Variants in DNAJC21 observed in about 807,000 individuals in gnomAD.
DNAJC21 encodes dnaJ homolog subfamily C member 21.
DNAJC21 carries 63 observed loss-of-function variants against 72.4 expected under a neutral mutation model. That is an observed-to-expected ratio of 0.87 (90% CI 0.71 to 1.07). DNAJC21 has a LOEUF of 1.07. DNAJC21 is among the 50% of genes least tolerant of loss of function. The probability of loss-of-function intolerance (pLI) is 0.00; values close to 1 mark genes in which losing one functional copy is unlikely to be tolerated. For synonymous variants in DNAJC21, 203 were observed against 216.7 expected, an observed-to-expected ratio of 0.94 and a Z score of 0.56; for missense variants, 634 against 644.8, an observed-to-expected ratio of 0.98 and a Z score of 0.18.
At chr5:34,944,730 AAAAAAT>A in intron 7 of DNAJC21, 131 bp from the exon 8 acceptor site, 3 of 1,256,634 alleles carry the variant, frequency 2.4e-6, no homozygotes, top group Non-Finnish European at 3.3e-6. Context: ...AAAAAAAAGA[AAAAAAT>A]AAATAGAATC....
At chr5:34,933,786 AT>A in intron 1 of DNAJC21, 28 bp from the exon 2 acceptor site, 1 of 1,593,132 alleles carries the variant, frequency 6.3e-7, no homozygotes, top group Non-Finnish European at 8.6e-7. Context: ...TACGTTTTTG[AT>A]TGACTTAAAT....
chr5:34,940,362 A>C (rs998029727), intron 6 of DNAJC21, among the ~76,000 whole-genome samples: 1 of 152,232 alleles, frequency 6.6e-6, no homozygotes, highest in Non-Finnish European at 1.5e-5. Flanking sequence ...TATGATTTCA[A>C]TGAGACAGTC....
intron 6 of DNAJC21, among the ~76,000 whole-genome samples, chr5:34,939,291 C>T (rs1383588294): frequency 6.6e-6 from 1 of 151,322 alleles, no homozygotes; most frequent in Non-Finnish European, 1.5e-5. Flanking sequence ...CGGAGTCTCG[C>T]TCTGTCGCCC....
intron 1 of DNAJC21, among the ~76,000 whole-genome samples, chr5:34,931,141 A>C (rs1373293954): frequency 6.6e-6 from 1 of 152,170 alleles, no homozygotes; most frequent in African/African-American, 2.4e-5. Context: ...GAGTGGAAGG[A>C]AAGGTCAGGG....
rs1486560685 is a variant in DNAJC21, at chr5:34,929,581, A to C, written c.-239A>C. ...CCCATGCGAAGCGGCGGCCGCCGGC[A>C]CCGCCCCCGCCGCGCTCCCGCTTGC... On this transcript the variant is annotated 5_prime_UTR_variant, in exon 1 of 12. Coordinates refer to ENST00000648817, the MANE Select transcript of DNAJC21 (RefSeq NM_001012339.3). 2 of 143,292 alleles carry C rather than the reference A, an allele frequency of 1.4e-5. No individual in the cohort carries two copies. Among genetic ancestry groups the C allele is most frequent in the African/African-American group, 2.7e-5 (1 of 37,590 alleles). The allele number at this position is 143,292 out of a possible 1,614,324, so 8.9% of individuals were successfully genotyped here. A position where few individuals can be genotyped will look rare whatever the true frequency, so the allele number is the denominator to read the frequency against.
intron 3 of DNAJC21, 24 bp from the exon 4 acceptor site, chr5:34,936,120 T>A (rs750288703): frequency 6.3e-7 from 1 of 1,594,588 alleles, no homozygotes; most frequent in Non-Finnish European, 8.5e-7. Context: ...GTATTAAGAA[T>A]TTGTTTTTGT....
At chr5:34,953,208 C>T (rs941630852) in intron 10 of DNAJC21, among the ~76,000 whole-genome samples, 10 of 151,676 alleles carry the variant, frequency 6.6e-5, no homozygotes, top group African/African-American at 1.7e-4. Flanking sequence ...TTATGATTAC[C>T]GTTGGTTAGT....
intron 1 of DNAJC21, 77 bp from the exon 2 acceptor site, chr5:34,933,738 A>G: frequency 8.3e-7 from 1 of 1,202,872 alleles, no homozygotes; most frequent in East Asian, 2.5e-5. Flanking sequence ...TGTTTGTGGC[A>G]TTTCTGATGG....
intron 10 of DNAJC21, chr5:34,951,528 CTTT>C (rs113733179): frequency 6.3e-5 from 60 of 948,642 alleles, no homozygotes; most frequent in South Asian, 2.5e-4. Flanking sequence ...CATGTTACTT[CTTT>C]TTTTTTTTTT....
In DNAJC21 at chr5:34,956,808, C is replaced by T. The variant is rs918044569; in HGVS notation, c.*2094C>T. The T allele has an allele frequency of 4.6e-5, 7 of 152,120 alleles. No homozygotes were observed. The highest frequency in any genetic ancestry group is 8.8e-5 in the Non-Finnish European group (6 of 68,028). The allele number at this position is 152,120 out of a possible 1,614,324, so 9.4% of individuals were successfully genotyped here. ...TGACTGGAAGCTGACCTTAGTCTTG[C>T]GTCTCATCCTTTATGATGTTGAGAA... On this transcript the variant is annotated 3_prime_UTR_variant, in exon 12 of 12. Coordinates refer to ENST00000648817, the MANE Select transcript of DNAJC21 (RefSeq NM_001012339.3).
Position 34,958,538 on chromosome 5 carries a change from A to C in DNAJC21, c.*3824A>C, listed in dbSNP as rs1765598159. 1 of 152,250 alleles carries C rather than the reference A, an allele frequency of 6.6e-6. No homozygotes were observed. The highest frequency in any genetic ancestry group is 1.5e-5 in the Non-Finnish European group (1 of 68,042). 9.4% of individuals were successfully genotyped at this position (152,250 alleles called of 1,614,324 possible). On this transcript the variant is annotated 3_prime_UTR_variant, in exon 12 of 12. Coordinates refer to ENST00000648817, the MANE Select transcript of DNAJC21 (RefSeq NM_001012339.3). ...TTTAAAGCAAGACACAAAAGCATAC[A>C]CAGGAAAAAATGATGCATAAAAACA...
At position 34,956,725 on chromosome 5, in the gene DNAJC21, C is replaced by T. The variant is rs141436318; in HGVS notation, c.*2011C>T. On this transcript the variant is annotated 3_prime_UTR_variant, in exon 12 of 12. Coordinates refer to ENST00000648817, the MANE Select transcript of DNAJC21 (RefSeq NM_001012339.3). ...ATGAGGGTTGAGTGGAGTTATGTGT[C>T]GCTTTTATTCGGATTGACGAAAATC... 1.3e-3 allele frequency: 195 copies of T among 152,224 alleles called. No homozygotes were observed. The highest frequency in any genetic ancestry group is 4.2e-3 in the African/African-American group (176 of 41,550). 9.4% of individuals were successfully genotyped at this position (152,224 alleles called of 1,614,324 possible).
At chr5:34,953,419 C>T (rs1457942040) in intron 10 of DNAJC21, 1 of 152,138 alleles carries the variant, frequency 6.6e-6, no homozygotes, top group East Asian at 2.0e-4. Context: ...TGCCACCACG[C>T]TCAGCTAATT....
At chr5:34,945,870 G>A in intron 9 of DNAJC21, 67 bp downstream of exon 9, 2 of 1,097,952 alleles carry the variant, frequency 1.8e-6, no homozygotes, top group Non-Finnish European at 1.3e-6. Flanking sequence ...TATTTATTCA[G>A]TGTAGTCTGT....
intron 10 of DNAJC21, chr5:34,951,626 C>G: frequency 1.1e-6 from 1 of 916,248 alleles, no homozygotes; most frequent in African/African-American, 1.8e-5. Flanking sequence ...CTCCTGGGTT[C>G]AAGCAATTCT....
In DNAJC21 at chr5:34,953,910, ATTAT is replaced by A; in HGVS notation, c.1359-9_1359-6del. ...GTATGTTATTTTTGGATTATGCTGA[ATTAT>A]TTATTTTCCAGTGTTCCTAAACCCA... On this transcript the variant is annotated splice_polypyrimidine_tract_variant and intron_variant, in intron 10 of 11. Transcript: ENST00000648817. 3 of 1,601,326 alleles carry A rather than the reference ATTAT, an allele frequency of 1.9e-6. No homozygotes were observed. The highest frequency in any genetic ancestry group is 1.1e-5 in the South Asian group (1 of 89,206).
At chr5:34,932,311 C>T (rs1464091080) in intron 1 of DNAJC21, among the ~76,000 whole-genome samples, 2 of 151,280 alleles carry the variant, frequency 1.3e-5, no homozygotes, top group Admixed American at 6.6e-5. Context: ...GTCCCAGCCA[C>T]TTGGGAGGCT....
At chr5:34,952,965 A>G (rs1394240447) in intron 10 of DNAJC21, among the ~76,000 whole-genome samples, 13 of 152,048 alleles carry the variant, frequency 8.5e-5, no homozygotes, top group African/African-American at 1.9e-4. Context: ...CCTGGCCAAT[A>G]TGGTAAAACC....
chr5:34,946,401 A>G (rs1368782490), intron 9 of DNAJC21, among the ~76,000 whole-genome samples: 11 of 152,120 alleles, frequency 7.2e-5, no homozygotes, highest in Admixed American at 7.2e-4. Flanking sequence ...CATTTTACCA[A>G]GGACATTTGG....
Sources: allele counts gnomAD v4.1 joint callset (sites outside exome capture counted in the v4.1 genomes callset), GRCh38; gene constraint gnomAD v4.1.1; transcripts MANE v1.5; gene names NCBI Gene and HGNC (gene_info 2026-07-23, HGNC 2026-07-21).